The following CAMTA1 variants were observed in gnomAD, a reference collection of about 807,000 sequenced individuals.
CAMTA1 encodes the protein calmodulin-binding transcription activator 1.
A neutral mutation model predicts 170.9 loss-of-function variants in CAMTA1; 27 were observed. The ratio of observed to expected loss-of-function variants is 0.16; its 90% confidence interval spans 0.12 to 0.22. The LOEUF (loss-of-function observed/expected upper bound fraction) is 0.22. Ranked by LOEUF, CAMTA1 falls within the 10% of genes least tolerant of loss-of-function variation. The pLI is 1.00. For synonymous variants in CAMTA1, 833 were observed against 891.5 expected, an observed-to-expected ratio of 0.93 and a Z score of 1.17; for missense variants, 1,619 against 2,217.2, an observed-to-expected ratio of 0.73 and a Z score of 5.42.
chr1:7,549,921 A>G (rs1430923524), intron 6 of CAMTA1, among the ~76,000 whole-genome samples: 1 of 152,112 alleles, frequency 6.6e-6, no homozygotes, highest in East Asian at 1.9e-4. Flanking sequence ...CTCAGAGACC[A>G]CAGCATCTAT....
At position 7,380,756 on chromosome 1, in the gene CAMTA1, A is replaced by G. The variant is rs186781288; in HGVS notation, c.439-87074A>G. On this transcript the variant is annotated intron_variant, in intron 5 of 22. Transcript: ENST00000303635. ...AGATAACAAACAGTCCTCCCTTCTG[A>G]TGCCAGGCAGGGTTAGGCACTTTGG... 9.8e-5 allele frequency among the ~76,000 whole-genome samples: 15 copies of G among 152,290 alleles called. No individual in the cohort carries two copies. The East Asian group carries it at 2.7e-3, about 27-fold the overall frequency.
Position 7,532,115 on chromosome 1 carries a change from G to C in CAMTA1, c.510+64214G>C, listed in dbSNP as rs1222416481. ...ACAGAAAAGGAGGCAGGTGACTCCA[G>C]CGGTACCTGGAGGCTCCCGGGCCCA... On this transcript the variant is annotated intron_variant, in intron 6 of 22. Transcript: ENST00000303635. The surrounding 1 kb of genome is among the most constrained non-coding windows in gnomAD (Gnocchi z 4.2). Among the ~76,000 whole-genome samples, 5 of 152,018 alleles carry C rather than the reference G, an allele frequency of 3.3e-5. No homozygotes were observed. The highest frequency in any genetic ancestry group is 7.3e-5 in the Non-Finnish European group (5 of 68,034).
chr1:7,655,732 C>A (rs947158464), intron 7 of CAMTA1, among the ~76,000 whole-genome samples: 2 of 152,084 alleles, frequency 1.3e-5, no homozygotes, highest in Non-Finnish European at 2.9e-5. Context: ...TACACCGATA[C>A]ACCCACACCT....
At chr1:7,237,445 C>T (rs1664093235) in intron 4 of CAMTA1, among the ~76,000 whole-genome samples, 1 of 152,124 alleles carries the variant, frequency 6.6e-6, no homozygotes, top group Admixed American at 6.5e-5. Flanking sequence ...TGGAAATGAT[C>T]AGTTAGTGAC....
intron 19 of CAMTA1, among the ~76,000 whole-genome samples, chr1:7,749,252 C>A (rs2096878425): frequency 6.6e-6 from 1 of 152,112 alleles, no homozygotes. Flanking sequence ...GGACTTGCCT[C>A]AATTTCTGAT....
At chr1:7,571,694 T>C (rs1214594644) in intron 6 of CAMTA1, among the ~76,000 whole-genome samples, 1 of 152,240 alleles carries the variant, frequency 6.6e-6, no homozygotes, top group Non-Finnish European at 1.5e-5. Flanking sequence ...CTGCATAGTA[T>C]TCCACGGTGC....
At chr1:7,157,820 T>C (rs997236379) in intron 4 of CAMTA1, among the ~76,000 whole-genome samples, 21 of 152,072 alleles carry the variant, frequency 1.4e-4, no homozygotes, top group Non-Finnish European at 1.6e-4. Flanking sequence ...AGTGGACAAG[T>C]GGAGGTATTT....
rs1444739568 is a variant in CAMTA1 at position 7,768,515 on chromosome 1, G to T, written c.*2024G>T. On this transcript the variant is annotated 3_prime_UTR_variant, in exon 23 of 23. Transcript: ENST00000303635. ...TATTCACAAATAAGCTTTTAAACTG[G>T]TGTCTTTGGAAGGAAGGTAGATACA... 1 of 152,776 alleles carries T rather than the reference G, an allele frequency of 6.5e-6. No homozygotes were observed. Among genetic ancestry groups the T allele is most frequent in the African/African-American group, 2.4e-5 (1 of 41,454 alleles). The allele number at this position is 152,776 out of a possible 1,614,324, so 9.5% of individuals were successfully genotyped here.
At chr1:7,123,354 T>A (rs770602366) in intron 4 of CAMTA1, among the ~76,000 whole-genome samples, 3 of 152,150 alleles carry the variant, frequency 2.0e-5, no homozygotes, top group Non-Finnish European at 4.4e-5. Flanking sequence ...TCCATAAGGA[T>A]GCCAGTCATC....
At chr1:7,035,410 A>G (rs1703443064) in intron 3 of CAMTA1, among the ~76,000 whole-genome samples, 1 of 152,188 alleles carries the variant, frequency 6.6e-6, no homozygotes, top group African/African-American at 2.4e-5. Flanking sequence ...CAAAAAAAAA[A>G]AAATCTTATT....
Position 7,221,928 on chromosome 1 carries a change from TAC to T in CAMTA1, c.303-27543_303-27542del, listed in dbSNP as rs61354001. ...GCATACACACACACACACACACACA[TAC>T]ACACACACACACACACACAGGCTTC... On this transcript the variant is annotated intron_variant, in intron 4 of 22. Transcript: ENST00000303635. 1.8e-3 allele frequency among the ~76,000 whole-genome samples: 220 copies of T among 123,654 alleles called. 2 individuals are homozygous for T. The highest frequency in any genetic ancestry group is 5.0e-3 in the African/African-American group (153 of 30,724). 81.1% of individuals were successfully genotyped at this position (123,654 alleles called of 152,430 possible).
At chr1:7,340,662 A>G (rs1342563182) in intron 5 of CAMTA1, among the ~76,000 whole-genome samples, 2 of 151,180 alleles carry the variant, frequency 1.3e-5, no homozygotes, top group African/African-American at 2.4e-5. Flanking sequence ...GAATCCATCT[A>G]TTCATGCATT....
intron 3 of CAMTA1, among the ~76,000 whole-genome samples, chr1:6,930,413 C>T (rs749463284): frequency 6.6e-6 from 1 of 152,176 alleles, no homozygotes; most frequent in Non-Finnish European, 1.5e-5. Context: ...CCCACTCTGT[C>T]TTTCTGTAAC....
intron 6 of CAMTA1, among the ~76,000 whole-genome samples, chr1:7,605,261 G>A (rs892377220): frequency 1.1e-4 from 17 of 152,220 alleles, no homozygotes; most frequent in African/African-American, 3.9e-4. Flanking sequence ...TCTTTTGTTT[G>A]GCTATGCCCT....
At chr1:7,355,719 C>T (rs1168139007) in intron 5 of CAMTA1, among the ~76,000 whole-genome samples, 6 of 152,160 alleles carry the variant, frequency 3.9e-5, no homozygotes, top group African/African-American at 7.2e-5. Flanking sequence ...AAAATCTAAA[C>T]CCCTGCCATG....
intron 3 of CAMTA1, among the ~76,000 whole-genome samples, chr1:6,947,865 T>C (rs1345110797): frequency 6.6e-6 from 1 of 152,250 alleles, no homozygotes; most frequent in Non-Finnish European, 1.5e-5. Flanking sequence ...TTTTGTTTGT[T>C]GATCTTGTAT....
intron 4 of CAMTA1, among the ~76,000 whole-genome samples, chr1:7,149,216 C>A (rs570072148): frequency 6.6e-6 from 1 of 152,224 alleles, no homozygotes; most frequent in Admixed American, 6.5e-5. Flanking sequence ...CAGATGTCTC[C>A]CTTCTGCGCT....
At chr1:7,199,111 T>TGTC (rs1048207966) in intron 4 of CAMTA1, among the ~76,000 whole-genome samples, 25 of 152,064 alleles carry the variant, frequency 1.6e-4, no homozygotes, top group African/African-American at 6.0e-4. Flanking sequence ...TGGTGGGTAC[T>TGTC]GTCTCCATCT....
chr1:7,684,175 C>A (rs2096238611), intron 11 of CAMTA1, among the ~76,000 whole-genome samples: 1 of 152,208 alleles, frequency 6.6e-6, no homozygotes, highest in South Asian at 2.1e-4. Flanking sequence ...CGAGGGGCAG[C>A]CTTTGCCACC....
Sources: allele counts gnomAD v4.1 joint callset (sites outside exome capture counted in the v4.1 genomes callset), GRCh38; gene constraint gnomAD v4.1.1; non-coding constraint Gnocchi (gnomAD v3.1); transcripts MANE v1.5; gene names NCBI Gene and HGNC (gene_info 2026-07-23, HGNC 2026-07-21).